Variants in GRIN2B observed in about 807,000 individuals in gnomAD.
GRIN2B encodes the protein glutamate receptor ionotropic, NMDA 2B.
A neutral mutation model predicts 114.5 loss-of-function variants in GRIN2B; 5 were observed. That is an observed-to-expected ratio of 0.04 (90% confidence interval 0.02 to 0.09). GRIN2B has a LOEUF of 0.09. Among genes scored for constraint, GRIN2B ranks in the 10% least tolerant of loss-of-function variants. The pLI, the probability that GRIN2B is intolerant of heterozygous loss-of-function variation, is 1.00. For missense variants in GRIN2B, 1,108 were observed against 1,943.5 expected (o/e 0.57, Z 8.08); for synonymous variants, 787 against 745.1 (o/e 1.06, Z -0.92).
rs373485967 is a variant in GRIN2B at position 13,790,501 on chromosome 12, A to T, written c.412-36586T>A. ...ACCTGACCCAGATGAAAATGTTTTC[A>T]CTTCCCCTTTTGAGAGACCCAAATA... On this transcript the variant is annotated intron_variant, in intron 3 of 13. Coordinates refer to ENST00000609686, the MANE Select transcript of GRIN2B (RefSeq NM_000834.5). Among the ~76,000 whole-genome samples, 4 of 152,206 alleles carry T rather than the reference A, an allele frequency of 2.6e-5. No homozygotes were observed. In the East Asian group the frequency reaches 7.7e-4, roughly 29 times the overall value.
In GRIN2B at chr12:13,542,780, C is replaced by T. The variant is rs150314026; in HGVS notation, c.*20003G>A. On this transcript the variant is annotated 3_prime_UTR_variant, in exon 14 of 14. Coordinates refer to ENST00000609686, the MANE Select transcript of GRIN2B (RefSeq NM_000834.5). ...CTAAGAATCAGTGGTTCATCACCAGCCACAACCCTGGCAATTCCTTTCCTC... is the reference window on the plus strand; with the variant it reads ...CTAAGAATCAGTGGTTCATCACCAGTCACAACCCTGGCAATTCCTTTCCTC... 1 of 152,532 alleles carries T rather than the reference C, an allele frequency of 6.6e-6. No homozygotes were observed. Among genetic ancestry groups the T allele is most frequent in the East Asian group, 1.9e-4 (1 of 5,182 alleles). The allele number at this position is 152,532 out of a possible 1,614,324, so 9.4% of individuals were successfully genotyped here. A position where few individuals can be genotyped will look rare whatever the true frequency, so the allele number is the denominator to read the frequency against.
intron 4 of GRIN2B, among the ~76,000 whole-genome samples, chr12:13,730,179 C>T (rs1005774872): frequency 6.6e-6 from 1 of 151,910 alleles, no homozygotes; most frequent in Admixed American, 6.6e-5. Context: ...AGGAATTGCT[C>T]AGATTTCATA....
chr12:13,714,906 A>C (rs2136585575), intron 4 of GRIN2B, among the ~76,000 whole-genome samples: 1 of 151,928 alleles, frequency 6.6e-6, no homozygotes, highest in South Asian at 2.1e-4. Flanking sequence ...TTTCTCAAGA[A>C]ATTTCAAAAC....
chr12:13,779,398 TGCCAAAC>T (rs1181617156), intron 3 of GRIN2B, among the ~76,000 whole-genome samples: 2 of 152,162 alleles, frequency 1.3e-5, no homozygotes, highest in African/African-American at 4.8e-5. Flanking sequence ...TTTGGTATTT[TGCCAAAC>T]AGCAATCCTT....
intron 2 of GRIN2B, among the ~76,000 whole-genome samples, chr12:13,947,040 C>T (rs1187790159): frequency 6.6e-6 from 1 of 152,164 alleles, no homozygotes; most frequent in Admixed American, 6.6e-5. Context: ...GACACTTTCT[C>T]TAGCAGATGG....
intron 2 of GRIN2B, among the ~76,000 whole-genome samples, chr12:13,969,248 A>C (rs532935460): frequency 5.9e-5 from 9 of 152,384 alleles, no homozygotes; most frequent in African/African-American, 2.2e-4. Context: ...ATCTAGAAGA[A>C]AATCACTTTA....
At chr12:13,653,921 A>C (rs772696092) in intron 5 of GRIN2B, among the ~76,000 whole-genome samples, 50 of 152,242 alleles carry the variant, frequency 3.3e-4, no homozygotes, top group Non-Finnish European at 6.3e-4. Context: ...CCTATGGTTC[A>C]CACTAAAATT....
chr12:13,694,021 C>T (rs1281911599), intron 4 of GRIN2B, among the ~76,000 whole-genome samples: 1 of 152,098 alleles, frequency 6.6e-6, no homozygotes, highest in Non-Finnish European at 1.5e-5. Context: ...AACCTAGGTT[C>T]CACCAGAGGA....
intron 5 of GRIN2B, among the ~76,000 whole-genome samples, chr12:13,659,259 GT>G (rs1949897070): frequency 6.6e-6 from 1 of 152,084 alleles, no homozygotes; most frequent in South Asian, 2.1e-4. Flanking sequence ...TCCCATAAAT[GT>G]CCCATTTCCT....
chr12:13,598,548 T>A (rs145783924), intron 10 of GRIN2B, among the ~76,000 whole-genome samples: 171 of 152,266 alleles, frequency 1.1e-3, no homozygotes, highest in African/African-American at 4.0e-3. Context: ...GCTCTCTAGA[T>A]GACACCCTCA....
chr12:13,820,960 T>C (rs1565550240), intron 3 of GRIN2B, among the ~76,000 whole-genome samples: 3 of 152,140 alleles, frequency 2.0e-5, no homozygotes, highest in South Asian at 4.2e-4. Context: ...TTGAATAACA[T>C]ACATGGCCCT....
At chr12:13,687,289 C>T (rs1334320623) in intron 4 of GRIN2B, among the ~76,000 whole-genome samples, 1 of 152,136 alleles carries the variant, frequency 6.6e-6, no homozygotes, top group Non-Finnish European at 1.5e-5. Context: ...TTGATACTCC[C>T]AGTTTTTTTT....
rs1268995159 is a variant in GRIN2B, at chr12:13,865,744, G to A, written c.411+54C>T. ...AAGTTTTACAGGAAAACAAATGCAT[G>A]GTTTAGTCCTCAGCACAAACCCTCA... is the stretch of plus-strand genomic sequence containing the variant. On this transcript the variant is annotated intron_variant, in intron 3 of 13. Transcript: ENST00000609686. 10 of 1,397,656 alleles carry A rather than the reference G, an allele frequency of 7.2e-6. No homozygotes were observed. In the African/African-American group the frequency reaches 1.3e-4, roughly 18 times the overall value. The allele number at this position is 1,397,656 out of a possible 1,614,324, so 86.6% of individuals were successfully genotyped here. A position where few individuals can be genotyped will look rare whatever the true frequency, so the allele number is the denominator to read the frequency against.
intron 2 of GRIN2B, among the ~76,000 whole-genome samples, chr12:13,908,256 G>A (rs948980782): frequency 4.6e-5 from 7 of 151,054 alleles, no homozygotes; most frequent in African/African-American, 1.5e-4. Context: ...AAACAGAAAA[G>A]AACATATAGT....
At chr12:13,914,358 C>T (rs1273776313) in intron 2 of GRIN2B, among the ~76,000 whole-genome samples, 1 of 152,062 alleles carries the variant, frequency 6.6e-6, no homozygotes, top group Non-Finnish European at 1.5e-5. Context: ...AAGCAGACCA[C>T]AACACAAGGA....
In GRIN2B at chr12:13,538,369, C is replaced by T. The variant is rs888801319; in HGVS notation, c.*24414G>A. 6.6e-6 allele frequency: 1 copy of T among 152,242 alleles called. No homozygotes were observed. Among genetic ancestry groups the T allele is most frequent in the Non-Finnish European group, 1.5e-5 (1 of 68,078 alleles). The allele number at this position is 152,242 out of a possible 1,614,324, so 9.4% of individuals were successfully genotyped here. On this transcript the variant is annotated 3_prime_UTR_variant, in exon 14 of 14. Coordinates refer to ENST00000609686, the MANE Select transcript of GRIN2B (RefSeq NM_000834.5). ...AGGCAGGCTGTATAAAGAACAGACA[C>T]TTGGCATAGTCTCAGGAAGTTCTGG...
intron 3 of GRIN2B, among the ~76,000 whole-genome samples, chr12:13,771,148 C>T (rs1300828677): frequency 2.6e-5 from 4 of 152,070 alleles, no homozygotes; most frequent in Non-Finnish European, 5.9e-5. Context: ...ATAAGTCTCA[C>T]GAGAGCTGAT....
Position 13,555,852 on chromosome 12 carries a change from G to A in GRIN2B, c.*6931C>T, listed in dbSNP as rs146872904. 7 of 152,296 alleles carry A rather than the reference G, an allele frequency of 4.6e-5. No homozygotes were observed. The highest frequency in any genetic ancestry group is 4.6e-4 in the Admixed American group (7 of 15,298). 9.4% of individuals were successfully genotyped at this position (152,296 alleles called of 1,614,324 possible). On this transcript the variant is annotated 3_prime_UTR_variant, in exon 14 of 14. Coordinates refer to ENST00000609686, the MANE Select transcript of GRIN2B (RefSeq NM_000834.5). Reference sequence around the variant, plus strand: ...AAGTCCAAGTGAGTAGGCTTCAGGTGAGGTTAAATTGATTGAATTTGTGCT... The same window carrying A: ...AAGTCCAAGTGAGTAGGCTTCAGGTAAGGTTAAATTGATTGAATTTGTGCT...
chr12:13,895,781 A>C lies in GRIN2B; in HGVS notation c.-18-29555T>G, dbSNP rs138258625. ...TCTAGGACTTTAGAAAAAGTTTTGG[A>C]ATGTAGATCTTTAGATCTTTTCATG... On this transcript the variant is annotated intron_variant, in intron 2 of 13. Transcript: ENST00000609686. Among the ~76,000 whole-genome samples, 754 of 152,244 alleles carry C rather than the reference A, an allele frequency of 5.0e-3. 9 individuals carry two copies. Among genetic ancestry groups the C allele is most frequent in the African/African-American group, 0.016 (678 of 41,542 alleles).
Sources: allele counts gnomAD v4.1 joint callset (sites outside exome capture counted in the v4.1 genomes callset), GRCh38; gene constraint gnomAD v4.1.1; transcripts MANE v1.5; gene names NCBI Gene and HGNC (gene_info 2026-07-23, HGNC 2026-07-21).